The following KIT variants were observed in gnomAD, a reference collection of about 807,000 sequenced individuals.
The protein encoded by KIT is mast/stem cell growth factor receptor Kit.
Under a neutral mutation model 105.7 loss-of-function variants are expected in KIT, and 16 were observed. That is an observed-to-expected ratio of 0.15 (90% CI 0.10 to 0.23). The LOEUF is 0.23. KIT is among the 10% of genes least tolerant of loss of function. The pLI is 1.00. For synonymous variants in KIT, 438 were observed against 441.1 expected, an observed-to-expected ratio of 0.99 and a Z score of 0.09; for missense variants, 858 against 1,213.8, an observed-to-expected ratio of 0.71 and a Z score of 4.36.
intron 1 of KIT, among the ~76,000 whole-genome samples, chr4:54,673,667 T>C (rs1176693603): frequency 3.3e-5 from 5 of 152,228 alleles, no homozygotes; most frequent in African/African-American, 1.2e-4. Context: ...ACGATGGATG[T>C]CATTCTGCTC....
intron 1 of KIT, among the ~76,000 whole-genome samples, chr4:54,681,154 A>T (rs1387077595): frequency 1.3e-5 from 2 of 152,126 alleles, no homozygotes; most frequent in African/African-American, 4.8e-5. Context: ...AACTTCACAG[A>T]TGGTGAGGGC....
intron 1 of KIT, among the ~76,000 whole-genome samples, chr4:54,667,290 T>G (rs1717772563): frequency 6.6e-6 from 1 of 152,166 alleles, no homozygotes; most frequent in Non-Finnish European, 1.5e-5. Context: ...GAAATGACAT[T>G]GCAATTCAGC....
rs768968324 is a variant in KIT, at chr4:54,736,486, C to T, written c.2485-12C>T. 1.1e-5 allele frequency: 18 copies of T among 1,569,246 alleles called. No individual in the cohort carries two copies. Among genetic ancestry groups the T allele is most frequent in the Non-Finnish European group, 1.5e-5 (17 of 1,139,442 alleles). On this transcript the variant is annotated splice_polypyrimidine_tract_variant and intron_variant, in intron 17 of 20. Transcript: ENST00000288135. ...AATTAACATTATTGACTCTGTTGTG[C>T]TTCTATTACAGGCTCGACTACCTGT...
chr4:54,678,337 C>T (rs993056290), intron 1 of KIT, among the ~76,000 whole-genome samples: 5 of 104,652 alleles, frequency 4.8e-5, no homozygotes, highest in South Asian at 3.4e-4. Flanking sequence ...TCCTTCCTTC[C>T]TTCCTTCCTT....
At chr4:54,686,244 A>G (rs1719306148) in intron 1 of KIT, among the ~76,000 whole-genome samples, 1 of 152,244 alleles carries the variant, frequency 6.6e-6, no homozygotes, top group Admixed American at 6.5e-5. Context: ...AATATGCTGT[A>G]ATGAAGTCTG....
chr4:54,732,480 G>T (rs530132906), intron 16 of KIT, among the ~76,000 whole-genome samples: 1 of 152,220 alleles, frequency 6.6e-6, no homozygotes, highest in East Asian at 1.9e-4. Flanking sequence ...TTGGGAGAAG[G>T]TTAGGAATGG....
At chr4:54,684,557 C>A (rs1719179387) in intron 1 of KIT, among the ~76,000 whole-genome samples, 1 of 152,132 alleles carries the variant, frequency 6.6e-6, no homozygotes, top group South Asian at 2.1e-4. Context: ...TCATTCTGAG[C>A]CTTCTGGAAG....
At chr4:54,722,278 A>G (rs1399624782) in intron 7 of KIT, among the ~76,000 whole-genome samples, 1 of 152,208 alleles carries the variant, frequency 6.6e-6, no homozygotes, top group Non-Finnish European at 1.5e-5. Context: ...GGCTTGAGCC[A>G]CCGTGCCCAG....
intron 14 of KIT, 61 bp downstream of exon 14, chr4:54,729,546 T>G (rs1722459312): frequency 6.5e-7 from 1 of 1,547,118 alleles, no homozygotes; most frequent in Admixed American, 1.7e-5. Flanking sequence ...TCATAAGGGT[T>G]TGCAATCAAG....
At chr4:54,662,103 C>A (rs368835309) in intron 1 of KIT, among the ~76,000 whole-genome samples, 1 of 152,226 alleles carries the variant, frequency 6.6e-6, no homozygotes, top group East Asian at 1.9e-4. Flanking sequence ...AAGGTCATGG[C>A]CCCTGTAGAT....
intron 7 of KIT, among the ~76,000 whole-genome samples, chr4:54,712,399 C>A (rs916063274): frequency 2.6e-5 from 4 of 152,194 alleles, no homozygotes; most frequent in Non-Finnish European, 5.9e-5. Context: ...CTCCACAGAC[C>A]TCACTTTGAG....
intron 7 of KIT, among the ~76,000 whole-genome samples, chr4:54,721,543 A>C (rs527840517): frequency 1.3e-5 from 2 of 152,210 alleles, no homozygotes; most frequent in South Asian, 2.1e-4. Context: ...TGTTTTGGAG[A>C]GTTTCTCTTT....
rs1194085035 is a variant in KIT at position 54,722,803 on chromosome 4, TTATATATATATTTATATA to T, written c.1232-773_1232-756del. 5.0e-4 allele frequency among the ~76,000 whole-genome samples: 30 copies of T among 60,170 alleles called. 1 individual carries two copies. The highest frequency in any genetic ancestry group is 1.5e-3 in the African/African-American group (25 of 16,198). The allele number at this position is 60,170 out of a possible 152,430, so 39.5% of individuals were successfully genotyped here. On this transcript the variant is annotated intron_variant, in intron 7 of 20. Coordinates refer to ENST00000288135, the MANE Select transcript of KIT (RefSeq NM_000222.3). ...GCTGTTACAGTGAATATATTCAGATTTATATATATATTTATATATATATATGTATTTATATATATTTAT... is the reference window on the plus strand; with the variant it reads ...GCTGTTACAGTGAATATATTCAGATTTATATATGTATTTATATATATTTAT...
chr4:54,699,872 C>T (rs1720344564), intron 4 of KIT, 106 bp downstream of exon 4: 7 of 1,220,006 alleles, frequency 5.7e-6, no homozygotes, highest in Non-Finnish European at 8.4e-6. Flanking sequence ...GTGCGTCTGT[C>T]AGAGGTGGAT....
chr4:54,666,634 A>T (rs934230551), intron 1 of KIT, among the ~76,000 whole-genome samples: 2 of 152,022 alleles, frequency 1.3e-5, no homozygotes, highest in Admixed American at 6.6e-5. Context: ...GACTTTATTC[A>T]GTTATAGGGC....
At chr4:54,658,944 A>G (rs1717027365) in intron 1 of KIT, among the ~76,000 whole-genome samples, 1 of 152,130 alleles carries the variant, frequency 6.6e-6, no homozygotes, top group Non-Finnish European at 1.5e-5. Context: ...TGCTCCGGGA[A>G]GGCAAGGGAC....
In KIT at chr4:54,723,602, C is replaced by G. The variant is rs1373777028; in HGVS notation, c.1250C>G (p.Thr417Ser). 6.2e-7 allele frequency: 1 copy of G among 1,613,844 alleles called. No homozygotes were observed. Among genetic ancestry groups the G allele is most frequent in the Non-Finnish European group, 8.5e-7 (1 of 1,179,764 alleles). ...CCTGTAGCAAAACCAGAAATCCTGA[C>G]TTACGACAGGCTCGTGAATGGCATG... The part of the protein sequence containing the change: ...VYVNTKPEIL[T>S]YDRLVNGMLQ... Residue 417 changes from threonine to serine, a missense_variant, in exon 8 of 21, where the codon ACT (threonine) becomes AGT (serine). This residue lies in a region of KIT where 401 missense variants were observed against 601.0 expected (regional missense o/e 0.67). Coordinates refer to ENST00000288135, the MANE Select transcript of KIT (RefSeq NM_000222.3).
intron 1 of KIT, among the ~76,000 whole-genome samples, chr4:54,682,625 C>T (rs909100220): frequency 2.6e-5 from 4 of 151,886 alleles, no homozygotes; most frequent in Non-Finnish European, 2.9e-5. Flanking sequence ...GACAGGGTTT[C>T]AGCATATTGG....
At position 54,727,945 on chromosome 4, in the gene KIT, A is replaced by G. The variant is rs772920759; in HGVS notation, c.1879+18A>G. ...GCTCAAGCGTAAGTTCCTGTATGGT[A>G]CTGCATGCGCTTGACATCAGTTTGC... On this transcript the variant is annotated intron_variant, in intron 12 of 20. Coordinates refer to ENST00000288135, the MANE Select transcript of KIT (RefSeq NM_000222.3). 1.2e-5 allele frequency: 19 copies of G among 1,611,722 alleles called. No individual in the cohort carries two copies. Among genetic ancestry groups the G allele is most frequent in the African/African-American group, 2.7e-5 (2 of 74,892 alleles).
Sources: gnomAD v4.1 joint callset for allele counts (sites outside exome capture counted in the v4.1 genomes callset) on GRCh38, gnomAD v4.1.1 for gene constraint, gnomAD v4.1.1 regional missense constraint, MANE v1.5 for transcripts, NCBI Gene and HGNC (gene_info 2026-07-23, HGNC 2026-07-21) for gene names.